Variants in SCRG1 observed in about 807,000 individuals in gnomAD.
SCRG1 encodes the protein stimulator of chondrogenesis 1.
In SCRG1, 3 loss-of-function variants were observed where a neutral mutation model predicts 7.7. The observed-to-expected ratio is 0.39, with a 90% CI of 0.18 to 1.01. The LOEUF (loss-of-function observed/expected upper bound fraction) is 1.01, where lower values mean the gene tolerates loss of function less well. SCRG1 is among the 50% of genes least tolerant of loss of function. The pLI is 0.36. For synonymous variants in SCRG1, 46 were observed against 41.2 expected (o/e 1.12, Z -0.44); for missense variants, 110 against 117.2 (o/e 0.94, Z 0.28).
the SCRG1 span, among the ~76,000 whole-genome samples, chr4:173,431,675 C>T: frequency 6.6e-6 from 1 of 152,170 alleles, no homozygotes; most frequent in Non-Finnish European, 1.5e-5. Flanking sequence ...CTCATCCCTG[C>T]CCCAGGAATG....
At chr4:173,446,146 GC>G in the SCRG1 span, among the ~76,000 whole-genome samples, 1 of 152,084 alleles carries the variant, frequency 6.6e-6, no homozygotes, top group Non-Finnish European at 1.5e-5. Context: ...TCCCTTTTGT[GC>G]CCCTGAGGAT....
chr4:173,455,945 C>T, the SCRG1 span, among the ~76,000 whole-genome samples: 1 of 152,026 alleles, frequency 6.6e-6, no homozygotes, highest in African/African-American at 2.4e-5. Flanking sequence ...AGGAAGATTT[C>T]CCCAGGAGCA....
chr4:173,483,082 A>G, the SCRG1 span, among the ~76,000 whole-genome samples: 3 of 121,322 alleles, frequency 2.5e-5, no homozygotes, highest in African/African-American at 9.8e-5. Flanking sequence ...TTTTATATAT[A>G]TTATATAATT....
At chr4:173,438,938 A>G in the SCRG1 span, among the ~76,000 whole-genome samples, 1 of 152,030 alleles carries the variant, frequency 6.6e-6, no homozygotes, top group East Asian at 1.9e-4. Flanking sequence ...GGACACCTAC[A>G]TGGTTTCCAA....
At chr4:173,484,804 ATATAT>A in the SCRG1 span, among the ~76,000 whole-genome samples, 7 of 91,580 alleles carry the variant, frequency 7.6e-5, no homozygotes, top group East Asian at 3.2e-4. Flanking sequence ...ATTATATATT[ATATAT>A]TATACATATA....
chr4:173,518,542 CT>C, the SCRG1 span, among the ~76,000 whole-genome samples: 1 of 152,162 alleles, frequency 6.6e-6, no homozygotes, highest in East Asian at 1.9e-4. Flanking sequence ...TATGCTCCCC[CT>C]CTCACCTTGG....
chr4:173,433,474 C>A, the SCRG1 span, among the ~76,000 whole-genome samples: 1 of 152,176 alleles, frequency 6.6e-6, no homozygotes, highest in Non-Finnish European at 1.5e-5. Context: ...TGATCCTGTG[C>A]TGGATTAATC....
chr4:173,494,265 T>G, the SCRG1 span, among the ~76,000 whole-genome samples: 1 of 152,144 alleles, frequency 6.6e-6, no homozygotes, highest in Non-Finnish European at 1.5e-5. Flanking sequence ...TAACCTCTTT[T>G]GGCTCTTCTT....
the SCRG1 span, among the ~76,000 whole-genome samples, chr4:173,459,893 A>C: frequency 8.5e-6 from 1 of 117,110 alleles, no homozygotes; most frequent in East Asian, 3.0e-4. Flanking sequence ...AAGATTTGAA[A>C]CGTTTCCAAC....
At chr4:173,493,774 T>C in the SCRG1 span, among the ~76,000 whole-genome samples, 1 of 152,272 alleles carries the variant, frequency 6.6e-6, no homozygotes, top group South Asian at 2.1e-4. Flanking sequence ...AAAAATACTT[T>C]TATTGAATTC....
the SCRG1 span, among the ~76,000 whole-genome samples, chr4:173,438,925 C>T: frequency 6.6e-6 from 1 of 151,930 alleles, no homozygotes; most frequent in Non-Finnish European, 1.5e-5. Context: ...TCCTCTTCTT[C>T]CTGGACACCT....
Position 173,388,175 on chromosome 4 carries a change from AC to A in SCRG1, c.*165del, listed in dbSNP as rs1739294363. ...CACAGAGAAAAATTAGATTGAATTA[AC>A]TTTTATTACTACTTGTTTAACACAG... On this transcript the variant is annotated 3_prime_UTR_variant, in exon 3 of 3. Coordinates refer to ENST00000296506, the MANE Select transcript of SCRG1 (RefSeq NM_007281.4). The A allele has an allele frequency of 1.2e-5, 6 of 480,418 alleles. No homozygotes were observed. Among genetic ancestry groups the A allele is most frequent in the South Asian group, 5.0e-5 (1 of 20,100 alleles). 29.8% of individuals were successfully genotyped at this position (480,418 alleles called of 1,614,324 possible).
chr4:173,485,318 C>G, the SCRG1 span, among the ~76,000 whole-genome samples: 4 of 112,266 alleles, frequency 3.6e-5, no homozygotes, highest in African/African-American at 1.2e-4. Flanking sequence ...CATTGTCTAC[C>G]AAGTGAATTA....
the SCRG1 span, among the ~76,000 whole-genome samples, chr4:173,484,422 T>TTGTATATTATATACATATAATATATAA: frequency 3.7e-5 from 2 of 53,866 alleles, no homozygotes; most frequent in Non-Finnish European, 6.1e-5. Context: ...ATAATATATA[T>TTGTATATTATATACATATAATATATAA]TATATATTAT....
chr4:173,456,129 T>C, the SCRG1 span, among the ~76,000 whole-genome samples: 12 of 152,266 alleles, frequency 7.9e-5, no homozygotes, highest in African/African-American at 2.9e-4. Context: ...CACAACCACA[T>C]TGAAAGAATA....
the SCRG1 span, among the ~76,000 whole-genome samples, chr4:173,464,692 A>G: frequency 1.3e-5 from 2 of 152,206 alleles, no homozygotes; most frequent in African/African-American, 2.4e-5. Flanking sequence ...CAGTTTCTCA[A>G]AAAGTTAAAC....
chr4:173,487,502 A>G, the SCRG1 span, among the ~76,000 whole-genome samples: 1 of 152,244 alleles, frequency 6.6e-6, no homozygotes. Flanking sequence ...CCAAATAAAG[A>G]TGAACCATGT....
chr4:173,454,331 G>A, the SCRG1 span, among the ~76,000 whole-genome samples: 4 of 152,250 alleles, frequency 2.6e-5, no homozygotes, highest in South Asian at 4.2e-4. Flanking sequence ...GTAATGAGGA[G>A]GAATAGTAAC....
At chr4:173,475,013 T>C in the SCRG1 span, among the ~76,000 whole-genome samples, 1 of 151,320 alleles carries the variant, frequency 6.6e-6, no homozygotes, top group Non-Finnish European at 1.5e-5. Flanking sequence ...AAAATCCATG[T>C]GTGGTGAGTT....
Sources: allele counts gnomAD v4.1 joint callset (sites outside exome capture counted in the v4.1 genomes callset), GRCh38; gene constraint gnomAD v4.1.1; transcripts MANE v1.5; gene names NCBI Gene and HGNC (gene_info 2026-07-23, HGNC 2026-07-21).